Variants in INVS observed in about 807,000 individuals in gnomAD.
INVS encodes inversin, also known as inversion of embryo turning homolog.
A neutral mutation model predicts 108.8 loss-of-function variants in INVS; 86 were observed. The ratio of observed to expected loss-of-function variants is 0.79; its 90% CI spans 0.66 to 0.95. The LOEUF (loss-of-function observed/expected upper bound fraction) is 0.95. Among genes scored for constraint, INVS ranks in the 40% least tolerant of loss-of-function variants. INVS has a pLI of 0.00. For synonymous variants in INVS, 455 were observed against 473.5 expected, an observed-to-expected ratio of 0.96 and a Z score of 0.51; for missense variants, 1,169 against 1,297.4, an observed-to-expected ratio of 0.90 and a Z score of 1.52.
Position 100,229,529 on chromosome 9 carries a change from CATGAAAAGTGAAAACAAAGAT to C in INVS, c.448-129_448-109del, listed in dbSNP as rs988465870. The C allele has an allele frequency of 1.3e-5, 10 of 760,390 alleles. No homozygotes were observed. The East Asian group carries it at 2.7e-4, about 20-fold the overall frequency. The allele number at this position is 760,390 out of a possible 1,614,324, so 47.1% of individuals were successfully genotyped here. On this transcript the variant is annotated intron_variant, in intron 4 of 16. Coordinates refer to ENST00000262457, the MANE Select transcript of INVS (RefSeq NM_014425.5). ...TCGGTTGAACACAGAGACCTGAAAT[CATGAAAAGTGAAAACAAAGAT>C]ACAGGGCAACTACTGTATAAAACTC...
chr9:100,178,062 A>G (rs767887240), intron 3 of INVS, among the ~76,000 whole-genome samples: 30 of 152,212 alleles, frequency 2.0e-4, no homozygotes, highest in Non-Finnish European at 4.4e-4. Context: ...AAAACTAACA[A>G]AAATAAAAGA....
chr9:100,217,137 C>T (rs555235000), intron 3 of INVS, among the ~76,000 whole-genome samples: 6 of 152,134 alleles, frequency 3.9e-5, no homozygotes, highest in South Asian at 4.2e-4. Flanking sequence ...GGTGAAACCC[C>T]GTCTCTACCA....
rs28704948 is a variant in INVS, at chr9:100,184,463, G to A, written c.274-41599G>A. Among the ~76,000 whole-genome samples, 590 of 152,208 alleles carry A rather than the reference G, an allele frequency of 3.9e-3. 5 individuals carry two copies. The highest frequency in any genetic ancestry group is 0.014 in the African/African-American group (563 of 41,514). On this transcript the variant is annotated intron_variant, in intron 3 of 16. Coordinates refer to ENST00000262457, the MANE Select transcript of INVS (RefSeq NM_014425.5). ...TGTGAATCCATAGACCACTTGCTTC[G>A]TGTTGATGACAAAGTCCTCACCATT...
In INVS at chr9:100,264,945, T is replaced by C. The variant is rs1397517181; in HGVS notation, c.1571+17T>C. ...TGAAGAGAGGTAAGTTGTTGTTGAC[T>C]TTTTTTTTTTTTTTTGAGATGGCTT... On this transcript the variant is annotated intron_variant, in intron 11 of 16. Transcript: ENST00000262457. 2.3e-6 allele frequency: 1 copy of C among 433,396 alleles called. No homozygotes were observed. Among genetic ancestry groups the C allele is most frequent in the Non-Finnish European group, 3.7e-6 (1 of 272,328 alleles). The allele number at this position is 433,396 out of a possible 1,614,324, so 26.8% of individuals were successfully genotyped here.
At position 100,175,170 on chromosome 9, in the gene INVS, A is replaced by G. The variant is rs543053498; in HGVS notation, c.273+48621A>G. On this transcript the variant is annotated intron_variant, in intron 3 of 16. Coordinates refer to ENST00000262457, the MANE Select transcript of INVS (RefSeq NM_014425.5). ...TTAAATTTTTTCCTCCCCTTTTTCAATAATAACATGAGTGTGCATCCAGCT... is the reference window on the plus strand; with the variant it reads ...TTAAATTTTTTCCTCCCCTTTTTCAGTAATAACATGAGTGTGCATCCAGCT... The G allele has an allele frequency of 3.0e-4, 128 of 430,922 alleles. 5 individuals are homozygous for G. In the South Asian group the frequency reaches 3.1e-3, roughly 11 times the overall value. The allele number at this position is 430,922 out of a possible 1,614,324, so 26.7% of individuals were successfully genotyped here.
At position 100,301,139 on chromosome 9, in the gene INVS, T is replaced by TCTCACACACA. The variant is rs200314659; in HGVS notation, c.*466_*467insTCACACACAC. 3.3e-3 allele frequency: 562 copies of TCTCACACACA among 167,886 alleles called. 8 individuals are homozygous for TCTCACACACA. The highest frequency in any genetic ancestry group is 4.2e-3 in the Middle Eastern group (2 of 480). 10.4% of individuals were successfully genotyped at this position (167,886 alleles called of 1,614,324 possible). On this transcript the variant is annotated 3_prime_UTR_variant, in exon 17 of 17. Coordinates refer to ENST00000262457, the MANE Select transcript of INVS (RefSeq NM_014425.5). ...CCTGGCATCTAATGCAACAAACTTA[T>TCTCACACACA]CACACACACACACACACACACACAC...
intron 13 of INVS, 49 bp downstream of exon 13, chr9:100,284,652 T>C (rs1263679260): frequency 1.3e-6 from 2 of 1,585,082 alleles, no homozygotes; most frequent in East Asian, 2.2e-5. Context: ...GACTGTGGGC[T>C]TTTTTGATTG....
intron 12 of INVS, among the ~76,000 whole-genome samples, chr9:100,275,815 G>T (rs893691963): frequency 2.0e-5 from 3 of 152,214 alleles, no homozygotes; most frequent in African/African-American, 7.2e-5. Context: ...GTTAGAAAAT[G>T]CTATTTAAGG....
intron 6 of INVS, among the ~76,000 whole-genome samples, chr9:100,242,183 C>T (rs1379579218): frequency 1.3e-5 from 2 of 152,158 alleles, no homozygotes; most frequent in South Asian, 2.1e-4. Context: ...GGTTGGGCAA[C>T]GGAACCTTGA....
At chr9:100,273,130 T>G in intron 12 of INVS, 54 bp downstream of exon 12, 1 of 1,346,454 alleles carries the variant, frequency 7.4e-7, no homozygotes, top group Non-Finnish European at 1.1e-6. Flanking sequence ...AGGGTGGAAG[T>G]GGGGGTGTGG....
chr9:100,283,087 T>C (rs1833328153), intron 12 of INVS, among the ~76,000 whole-genome samples: 1 of 152,128 alleles, frequency 6.6e-6, no homozygotes, highest in African/African-American at 2.4e-5. Context: ...AGCTGGGGGA[T>C]AGCTTGAGGC....
intron 14 of INVS, among the ~76,000 whole-genome samples, chr9:100,293,364 C>T (rs977228273): frequency 2.0e-5 from 3 of 152,130 alleles, no homozygotes; most frequent in African/African-American, 4.8e-5. Context: ...AATCACATGG[C>T]CCCCCTGACC....
At chr9:100,273,738 A>G (rs1833032741) in intron 12 of INVS, among the ~76,000 whole-genome samples, 2 of 151,538 alleles carry the variant, frequency 1.3e-5, no homozygotes, top group Admixed American at 6.6e-5. Flanking sequence ...GGGTTTCACC[A>G]TGTTGGCTAG....
chr9:100,283,913 C>T (rs768245138), intron 12 of INVS, among the ~76,000 whole-genome samples: 1 of 151,990 alleles, frequency 6.6e-6, no homozygotes, highest in Non-Finnish European at 1.5e-5. Flanking sequence ...TCAAGGTTAT[C>T]CCTTTGACTG....
At chr9:100,105,059 C>T (rs953389860) in intron 2 of INVS, among the ~76,000 whole-genome samples, 1 of 151,934 alleles carries the variant, frequency 6.6e-6, no homozygotes, top group African/African-American at 2.4e-5. Flanking sequence ...TAGAGAGGTC[C>T]AATGCAGGAG....
intron 2 of INVS, among the ~76,000 whole-genome samples, chr9:100,118,041 C>T (rs1053198403): frequency 6.6e-6 from 1 of 151,868 alleles, no homozygotes; most frequent in Non-Finnish European, 1.5e-5. Flanking sequence ...AGGTGCATAC[C>T]ACCAAGACAG....
At chr9:100,246,207 G>A (rs1832042905) in intron 7 of INVS, among the ~76,000 whole-genome samples, 1 of 151,378 alleles carries the variant, frequency 6.6e-6, no homozygotes, top group Non-Finnish European at 1.5e-5. Flanking sequence ...GAAAGAAAAA[G>A]GATGGAGAAG....
Position 100,292,841 on chromosome 9 carries a change from C to CT in INVS, c.2585dup (p.Glu863GlyfsTer13). 6.2e-7 allele frequency: 1 copy of CT among 1,614,152 alleles called. No individual in the cohort carries two copies. Among genetic ancestry groups the CT allele is most frequent in the Non-Finnish European group, 8.5e-7 (1 of 1,180,034 alleles). On this transcript the variant is annotated frameshift_variant, in exon 14 of 17. Coordinates refer to ENST00000262457, the MANE Select transcript of INVS (RefSeq NM_014425.5). LOFTEE classifies it high-confidence loss of function. ...GGAGTTGAGGTCAGGAGCTAGGAGG[C>CT]TGGAGACATCTACCCTGTCCGAGGA...
chr9:100,241,560 T>C (rs1831873750), intron 6 of INVS, among the ~76,000 whole-genome samples: 2 of 152,222 alleles, frequency 1.3e-5, no homozygotes, highest in South Asian at 4.1e-4. Flanking sequence ...TTCAGAGGTA[T>C]GCTGCTTATC....
Sources: gnomAD v4.1 joint callset for allele counts (sites outside exome capture counted in the v4.1 genomes callset) on GRCh38, gnomAD v4.1.1 for gene constraint, MANE v1.5 for transcripts, NCBI Gene and HGNC (gene_info 2026-07-23, HGNC 2026-07-21) for gene names.